The following PCDH15 variants were observed in gnomAD, a reference collection of about 807,000 sequenced individuals.
The protein encoded by PCDH15 is protocadherin related 15, also known as protocadherin-15.
Under a neutral mutation model 178.5 loss-of-function variants are expected in PCDH15, and 129 were observed. The ratio of observed to expected loss-of-function variants is 0.72; its 90% CI spans 0.63 to 0.84. The LOEUF (loss-of-function observed/expected upper bound fraction) is 0.84. Ranked by LOEUF, PCDH15 falls within the 40% of genes least tolerant of loss-of-function variation. PCDH15 has a pLI of 0.00. For synonymous variants in PCDH15, 800 were observed against 732.0 expected (o/e 1.09, Z -1.50); for missense variants, 2,230 against 2,099.9 (o/e 1.06, Z -1.21).
At chr10:55,408,532 A>C in intron 2 of PCDH15, among the ~76,000 whole-genome samples, 1 of 152,170 alleles carries the variant, frequency 6.6e-6, no homozygotes, top group Admixed American at 6.5e-5. Context: ...ACAAAGGAAA[A>C]CACAGGCTCA....
chr10:55,256,022 C>T (rs1228087245), intron 1 of PCDH15, among the ~76,000 whole-genome samples: 3 of 152,064 alleles, frequency 2.0e-5, no homozygotes, highest in African/African-American at 7.2e-5. Context: ...GAAGTCCTTG[C>T]CCATGCCTAT....
intron 3 of PCDH15, among the ~76,000 whole-genome samples, chr10:54,844,519 T>C (rs1397947484): frequency 2.6e-5 from 4 of 151,994 alleles, no homozygotes; most frequent in African/African-American, 9.7e-5. Context: ...TTTGATGGGA[T>C]GGATTCACAT....
intron 30 of PCDH15, 55 bp downstream of exon 30, chr10:53,831,259 GT>G (rs2076998834): frequency 6.6e-7 from 1 of 1,522,222 alleles, no homozygotes; most frequent in African/African-American, 1.4e-5. Context: ...ACCAGAGATG[GT>G]TTTCTGCAAT....
At chr10:55,347,953 A>G (rs1426713971) in intron 2 of PCDH15, among the ~76,000 whole-genome samples, 2 of 151,998 alleles carry the variant, frequency 1.3e-5, no homozygotes, top group East Asian at 1.9e-4. Flanking sequence ...ATATCATACA[A>G]TTGAATTGTA....
chr10:54,830,640 C>G lies in PCDH15; in HGVS notation c.-29+66810G>C, dbSNP rs535460165. 1.1e-4 allele frequency among the ~76,000 whole-genome samples: 16 copies of G among 151,472 alleles called. No homozygotes were observed. In the East Asian group the frequency reaches 1.8e-3, roughly 17 times the overall value. ...AGGAGACATACCTAATGCTAAATGACGAGTTAATGGGTGCAGCACAACAAC... is the reference window on the plus strand; with the variant it reads ...AGGAGACATACCTAATGCTAAATGAGGAGTTAATGGGTGCAGCACAACAAC... On this transcript the variant is annotated intron_variant, in intron 3 of 5. Coordinates refer to the PCDH15 transcript ENST00000458638.
intron 2 of PCDH15, among the ~76,000 whole-genome samples, chr10:54,582,496 T>G (rs916569135): frequency 5.3e-5 from 8 of 152,144 alleles, no homozygotes; most frequent in Non-Finnish European, 1.0e-4. Flanking sequence ...CACATACTCT[T>G]TTATCATGTA....
At chr10:54,164,700 T>C (rs2046038384) in intron 13 of PCDH15, among the ~76,000 whole-genome samples, 1 of 152,200 alleles carries the variant, frequency 6.6e-6, no homozygotes, top group African/African-American at 2.4e-5. Flanking sequence ...CTATTTTTAA[T>C]GCACTAGATA....
At chr10:54,998,558 G>A (rs1300494199) in intron 2 of PCDH15, among the ~76,000 whole-genome samples, 1 of 152,024 alleles carries the variant, frequency 6.6e-6, no homozygotes. Flanking sequence ...TAGATAATTG[G>A]AGACATTTGA....
At chr10:54,379,088 T>C in intron 3 of PCDH15, 146 bp from the exon 4 acceptor site, 2 of 857,766 alleles carry the variant, frequency 2.3e-6, no homozygotes, top group Non-Finnish European at 3.7e-6. Flanking sequence ...ACAGAAAATA[T>C]TCTTTACCAA....
intron 2 of PCDH15, among the ~76,000 whole-genome samples, chr10:55,350,266 T>TATATATATAC (rs1844885854): frequency 3.4e-5 from 2 of 58,992 alleles, no homozygotes; most frequent in Non-Finnish European, 6.1e-5. Flanking sequence ...TATATATATA[T>TATATATATAC]ATACACACAC....
chr10:54,469,187 C>T (rs140038227), intron 3 of PCDH15, among the ~76,000 whole-genome samples: 411 of 152,302 alleles, frequency 2.7e-3, no homozygotes, highest in Admixed American at 4.4e-3. Context: ...AATTCCACCT[C>T]CAAGGTTCAA....
intron 2 of PCDH15, among the ~76,000 whole-genome samples, chr10:55,141,259 T>A (rs1379959636): frequency 6.6e-6 from 1 of 152,050 alleles, no homozygotes; most frequent in Non-Finnish European, 1.5e-5. Flanking sequence ...TATAACTTTT[T>A]CTCTAATGCT....
intron 13 of PCDH15, among the ~76,000 whole-genome samples, chr10:54,162,694 G>C (rs1295346304): frequency 6.6e-6 from 1 of 152,068 alleles, no homozygotes; most frequent in Non-Finnish European, 1.5e-5. Context: ...GATCATTTGG[G>C]GTTAATGTCT....
chr10:55,562,726 C>T (rs1290367055), intron 2 of PCDH15, among the ~76,000 whole-genome samples: 2 of 151,818 alleles, frequency 1.3e-5, no homozygotes, highest in South Asian at 2.1e-4. Context: ...AGAAATGATA[C>T]GTGTGGGGAA....
intron 3 of PCDH15, among the ~76,000 whole-genome samples, chr10:54,455,201 G>A (rs577056055): frequency 6.8e-4 from 103 of 152,118 alleles, no homozygotes; most frequent in African/African-American, 2.2e-3. Flanking sequence ...ACCAAGTCTC[G>A]GGTATTTCTT....
chr10:54,196,933 A>G (rs1258057606), intron 10 of PCDH15, among the ~76,000 whole-genome samples: 3 of 152,242 alleles, frequency 2.0e-5, no homozygotes, highest in Non-Finnish European at 4.4e-5. Flanking sequence ...TGTGAGAAAT[A>G]AATGTTCCTT....
At chr10:55,069,825 T>C (rs1353442656) in intron 2 of PCDH15, among the ~76,000 whole-genome samples, 2 of 150,766 alleles carry the variant, frequency 1.3e-5, no homozygotes, top group Non-Finnish European at 3.0e-5. Context: ...ATGGTATTTC[T>C]AGTTCTAGAT....
At chr10:55,333,542 A>G (rs1248817447) in intron 2 of PCDH15, among the ~76,000 whole-genome samples, 2 of 152,142 alleles carry the variant, frequency 1.3e-5, no homozygotes, top group Non-Finnish European at 2.9e-5. Flanking sequence ...TTTGGTTAAT[A>G]TTTGATGCTG....
chr10:55,584,500 T>C (rs1842684578), intron 2 of PCDH15, among the ~76,000 whole-genome samples: 1 of 151,444 alleles, frequency 6.6e-6, no homozygotes, highest in South Asian at 2.1e-4. Context: ...CTACTAAGAA[T>C]ACACAAATTA....
Sources: gnomAD v4.1 joint callset for allele counts (sites outside exome capture counted in the v4.1 genomes callset) on GRCh38, gnomAD v4.1.1 for gene constraint, MANE v1.5 for transcripts, NCBI Gene and HGNC (gene_info 2026-07-23, HGNC 2026-07-21) for gene names.